Variants in FLT3 observed in about 807,000 individuals in gnomAD.
FLT3 encodes the protein fms related receptor tyrosine kinase 3.
In FLT3, 46 loss-of-function variants were observed where a neutral mutation model predicts 126.6. The observed-to-expected ratio is 0.36, with a 90% confidence interval of 0.29 to 0.46. The LOEUF (loss-of-function observed/expected upper bound fraction) is 0.46. FLT3 is among the 20% of genes least tolerant of loss of function. FLT3 has a pLI of 1.00. For missense variants in FLT3, 1,069 were observed against 1,190.3 expected (o/e 0.90, Z 1.50); for synonymous variants, 404 against 434.4 (o/e 0.93, Z 0.87).
At chr13:28,050,534 AAG>A (rs1335001780) in intron 5 of FLT3, among the ~76,000 whole-genome samples, 1 of 152,214 alleles carries the variant, frequency 6.6e-6, no homozygotes, top group African/African-American at 2.4e-5. Context: ...AAAAATGAGA[AAG>A]AAGATAAAGG....
Position 28,057,350 on chromosome 13 carries a change from T to C in FLT3, c.481A>G (p.Arg161Gly). 2 of 1,289,908 alleles carry C rather than the reference T, an allele frequency of 1.6e-6. No homozygotes were observed. Among genetic ancestry groups the C allele is most frequent in the Non-Finnish European group, 1.1e-6 (1 of 883,678 alleles). The allele number at this position is 1,289,908 out of a possible 1,614,324, so 79.9% of individuals were successfully genotyped here. ...ACTAGTAGCAGGCTGGACTTACTTC[T>C]TATACTCACTGTAAACAATATTGTG... ...NYTILFTVSI[R>G]NTLLYTLRRP... Residue 161 changes from arginine to glycine, a missense_variant, in exon 4 of 24, where the codon AGA becomes GGA. Coordinates refer to ENST00000241453, the MANE Select transcript of FLT3 (RefSeq NM_004119.3).
rs942668543 is a variant in FLT3, at chr13:28,100,445, C to T, written c.43+23G>A. ...GGGGCTGAGGGACCGCGAGGGGCTG[C>T]GAGCGAGCGAGCGGGGCCTTACCGA... On this transcript the variant is annotated intron_variant, in intron 1 of 23. Coordinates refer to ENST00000241453, the MANE Select transcript of FLT3 (RefSeq NM_004119.3). The surrounding 1 kb of genome is among the most constrained non-coding windows in gnomAD (Gnocchi z 4.8). The T allele has an allele frequency of 5.0e-6, 6 of 1,205,892 alleles. No homozygotes were observed. The highest frequency in any genetic ancestry group is 8.3e-5 in the South Asian group (2 of 24,064). 74.7% of individuals were successfully genotyped at this position (1,205,892 alleles called of 1,614,324 possible).
intron 12 of FLT3, 27 bp downstream of exon 12, chr13:28,035,468 G>A: frequency 6.3e-7 from 1 of 1,595,816 alleles, no homozygotes; most frequent in Non-Finnish European, 8.5e-7. Context: ...TCCTGATGGT[G>A]GAATATCACA....
intron 9 of FLT3, among the ~76,000 whole-genome samples, 158 bp from the exon 10 acceptor site, chr13:28,037,446 A>G (rs1873936027): frequency 6.6e-6 from 1 of 152,176 alleles, no homozygotes. Context: ...CTTGCTACTC[A>G]AAGTGTGGTC....
intron 1 of FLT3, among the ~76,000 whole-genome samples, chr13:28,070,945 TTG>T (rs774618098): frequency 5.3e-4 from 80 of 149,698 alleles, no homozygotes; most frequent in Non-Finnish European, 8.6e-4. Context: ...TATACATGAT[TTG>T]TGTGTGTGTG....
intron 10 of FLT3, among the ~76,000 whole-genome samples, chr13:28,036,704 G>T (rs2491233): frequency 0.72 from 110,269 of 152,154 alleles, 41,211 homozygotes; most frequent in East Asian, 0.87. Context: ...ATGGCCAGGT[G>T]CAGTGGCTCT....
In FLT3 at chr13:28,037,222, A is replaced by T; in HGVS notation, c.1272T>A (p.Asp424Glu). 1.2e-6 allele frequency: 2 copies of T among 1,609,666 alleles called. No individual in the cohort carries two copies. The highest frequency in any genetic ancestry group is 2.2e-5 in the South Asian group (2 of 90,976). Residue 424 changes from aspartate (D) to glutamate (E), a missense_variant, in exon 10 of 24, where the codon GAT (aspartate) becomes GAA (glutamate). Asp to Glu is a conservative substitution (Grantham distance 45). Transcript: ENST00000241453. ...GCGTGAACATTTTGGTAAATTGGGC[A>T]TCATCATTTTCTGCATGGAATATAT... ...GEYIFHAEND[D>E]AQFTKMFTLN...
At chr13:28,064,995 T>G (rs1333794722) in intron 2 of FLT3, among the ~76,000 whole-genome samples, 1 of 152,144 alleles carries the variant, frequency 6.6e-6, no homozygotes, top group Non-Finnish European at 1.5e-5. Context: ...ACTATGTAGC[T>G]ATAAAAAAGA....
intron 9 of FLT3, among the ~76,000 whole-genome samples, chr13:28,042,180 AATAATAAT>A (rs1566077674): frequency 1.2e-4 from 17 of 142,148 alleles, no homozygotes; most frequent in East Asian, 2.0e-4. Context: ...TAATAATAAT[AATAATAAT>A]AAATAAAAAT....
chr13:28,092,146 A>G (rs935723131), intron 1 of FLT3, among the ~76,000 whole-genome samples: 1 of 152,172 alleles, frequency 6.6e-6, no homozygotes, highest in Non-Finnish European at 1.5e-5. Flanking sequence ...CTTTAACTAT[A>G]TATCTGGGTA....
At chr13:28,057,251 T>C (rs1378237856) in intron 4 of FLT3, 96 bp downstream of exon 4, 1 of 710,158 alleles carries the variant, frequency 1.4e-6, no homozygotes, top group Non-Finnish European at 2.6e-6. Flanking sequence ...AACCTGAATA[T>C]GTCTAGAGGA....
intron 3 of FLT3, among the ~76,000 whole-genome samples, chr13:28,058,127 G>C (rs961967005): frequency 1.3e-5 from 2 of 151,216 alleles, no homozygotes; most frequent in African/African-American, 4.9e-5. Flanking sequence ...GGGAGGCCAA[G>C]GCTGGCAGAT....
intron 5 of FLT3, among the ~76,000 whole-genome samples, chr13:28,051,398 G>C (rs1308215153): frequency 6.6e-6 from 1 of 151,008 alleles, no homozygotes; most frequent in Non-Finnish European, 1.5e-5. Context: ...CACCACACCT[G>C]GCTAATTTTT....
chr13:28,042,185 T>TAATA (rs1360016433), intron 9 of FLT3, among the ~76,000 whole-genome samples: 1 of 134,596 alleles, frequency 7.4e-6, no homozygotes, highest in African/African-American at 2.9e-5. Context: ...ATAATAATAA[T>TAATA]AATAAATAAA....
At chr13:28,061,626 T>C (rs1411640908) in intron 3 of FLT3, among the ~76,000 whole-genome samples, 1 of 151,822 alleles carries the variant, frequency 6.6e-6, no homozygotes, top group Non-Finnish European at 1.5e-5. Context: ...AAAAATTAGC[T>C]GGGTGTGGTG....
intron 1 of FLT3, among the ~76,000 whole-genome samples, chr13:28,094,031 G>T (rs553175671): frequency 1.3e-5 from 2 of 152,122 alleles, no homozygotes; most frequent in South Asian, 2.1e-4. Context: ...TGCAAAACAC[G>T]TGCCTAACAA....
At chr13:28,021,839 T>C (rs2137635043) in intron 19 of FLT3, among the ~76,000 whole-genome samples, 1 of 150,516 alleles carries the variant, frequency 6.6e-6, no homozygotes, top group African/African-American at 2.4e-5. Context: ...GCCTCCCAGG[T>C]TCATGCCATT....
rs1873639857 is a variant in FLT3 at position 28,034,356 on chromosome 13, A to G, written c.1649T>C (p.Val550Ala). ...TAAAACGACAATGAAGAGGAGACAA[A>G]CACCAATTGTTGCATAGAATGAGAT... ...DNISFYATIGVCLLFIVVLTL... is the reference protein window; with the variant it reads ...DNISFYATIGACLLFIVVLTL... The change falls in exon 13 of 24, where the codon GTT becomes GCT. Residue 550 changes from valine to alanine, a missense_variant. Coordinates refer to ENST00000241453, the MANE Select transcript of FLT3 (RefSeq NM_004119.3). The G allele has an allele frequency of 6.2e-7, 1 of 1,614,142 alleles. No homozygotes were observed. The highest frequency in any genetic ancestry group is 1.3e-5 in the African/African-American group (1 of 75,060).
At chr13:28,063,650 C>G (rs1263380355) in intron 2 of FLT3, among the ~76,000 whole-genome samples, 9 of 151,866 alleles carry the variant, frequency 5.9e-5, no homozygotes, top group East Asian at 1.9e-4. Context: ...GGTAGCTCTT[C>G]TGCTACCAGT....
Sources: allele counts gnomAD v4.1 joint callset (sites outside exome capture counted in the v4.1 genomes callset), GRCh38; gene constraint gnomAD v4.1.1; non-coding constraint Gnocchi (gnomAD v3.1); transcripts MANE v1.5; gene names NCBI Gene and HGNC (gene_info 2026-07-23, HGNC 2026-07-21).